The following RBMS2 variants were observed in gnomAD, a reference collection of about 807,000 sequenced individuals.
The protein encoded by RBMS2 is RNA-binding motif, single-stranded-interacting protein 2.
Under a neutral mutation model 58.4 loss-of-function variants are expected in RBMS2, and 38 were observed. The ratio of observed to expected loss-of-function variants is 0.65; its 90% CI spans 0.50 to 0.85. The LOEUF (loss-of-function observed/expected upper bound fraction) is 0.85. RBMS2 is among the 40% of genes least tolerant of loss of function. The pLI is 0.00. For synonymous variants in RBMS2, 151 were observed against 180.7 expected (o/e 0.84, Z 1.32); for missense variants, 367 against 503.7 (o/e 0.73, Z 2.60).
At chr12:56,542,113 C>A (rs1216288338) in intron 1 of RBMS2, among the ~76,000 whole-genome samples, 1 of 152,018 alleles carries the variant, frequency 6.6e-6, no homozygotes, top group East Asian at 1.9e-4. Context: ...GTAGCATGAT[C>A]ACCACTCACT....
At chr12:56,585,444 C>T (rs1485925365) in intron 9 of RBMS2, among the ~76,000 whole-genome samples, 1 of 152,164 alleles carries the variant, frequency 6.6e-6, no homozygotes, top group African/African-American at 2.4e-5. Flanking sequence ...AGGCAAAGCT[C>T]AGAAAATTGT....
chr12:56,582,342 C>G (rs1469985092), intron 9 of RBMS2, among the ~76,000 whole-genome samples, 190 bp downstream of exon 9: 1 of 152,042 alleles, frequency 6.6e-6, no homozygotes, highest in Non-Finnish European at 1.5e-5. Flanking sequence ...TAATGGTGTC[C>G]TCTTACTCCC....
chr12:56,535,047 C>T (rs7313637), intron 1 of RBMS2, among the ~76,000 whole-genome samples: 68,232 of 151,930 alleles, frequency 0.45, 16,193 homozygotes, highest in East Asian at 0.6. Context: ...TTATGGAATG[C>T]CACACTCTCC....
chr12:56,538,697 G>C (rs1266351841), intron 1 of RBMS2, among the ~76,000 whole-genome samples: 2 of 151,794 alleles, frequency 1.3e-5, no homozygotes, highest in East Asian at 2.0e-4. Flanking sequence ...GGCCAGGCTG[G>C]TCTTGAACTC....
rs182502813 is a variant in RBMS2, at chr12:56,565,121, A to G, written c.233+2538A>G. Among the ~76,000 whole-genome samples, 573 of 152,358 alleles carry G rather than the reference A, an allele frequency of 3.8e-3. 5 individuals are homozygous for G. The highest frequency in any genetic ancestry group is 0.013 in the African/African-American group (554 of 41,588). On this transcript the variant is annotated intron_variant, in intron 2 of 13. Coordinates refer to ENST00000262031, the MANE Select transcript of RBMS2 (RefSeq NM_002898.4). ...TCCAGATTACTTATGATACCTCAATACAATACAAATGCCATGTAAATAAAT... is the reference window on the plus strand; with the variant it reads ...TCCAGATTACTTATGATACCTCAATGCAATACAAATGCCATGTAAATAAAT...
chr12:56,574,477 G>A (rs913835984), intron 5 of RBMS2, among the ~76,000 whole-genome samples: 1 of 152,142 alleles, frequency 6.6e-6, no homozygotes, highest in Non-Finnish European at 1.5e-5. Context: ...AAGGATTGTA[G>A]GGGGAACTAA....
chr12:56,565,296 G>T (rs989989497), intron 2 of RBMS2, among the ~76,000 whole-genome samples: 1 of 152,150 alleles, frequency 6.6e-6, no homozygotes, highest in South Asian at 2.1e-4. Context: ...GTAAACTCGG[G>T]ACTTGGGTAT....
At chr12:56,558,555 C>T (rs1220112447) in intron 1 of RBMS2, among the ~76,000 whole-genome samples, 2 of 121,840 alleles carry the variant, frequency 1.6e-5, no homozygotes, top group South Asian at 6.7e-4. Flanking sequence ...CTCCCTCCCT[C>T]CCTTCCTTCC....
At chr12:56,534,146 T>C (rs1350944771) in intron 1 of RBMS2, among the ~76,000 whole-genome samples, 2 of 152,186 alleles carry the variant, frequency 1.3e-5, no homozygotes, top group Admixed American at 6.6e-5. Flanking sequence ...CCTTCAGTTT[T>C]GTGTTTTCAC....
chr12:56,587,649 C>T lies in RBMS2; in HGVS notation c.1047C>T (p.Leu349=). 2 of 1,613,370 alleles carry T rather than the reference C, an allele frequency of 1.2e-6. No homozygotes were observed. Among genetic ancestry groups the T allele is most frequent in the South Asian group, 1.1e-5 (1 of 91,034 alleles). ...PLTQQLGHLS[L]SSTGTYMPTA... is the part of the protein sequence containing the mutation. ...CCCAGCAACTGGGCCATCTCTCCCT[C>T]AGCAGCACAGGCACGGTAAAGCAGG... The change falls in exon 11 of 14, where the codon CTC becomes CTT. Residue 349 remains leucine (L), a synonymous_variant. Transcript: ENST00000262031.
intron 1 of RBMS2, among the ~76,000 whole-genome samples, chr12:56,541,115 AC>A (rs1372701300): frequency 2.0e-5 from 3 of 150,054 alleles, no homozygotes; most frequent in African/African-American, 7.4e-5. Flanking sequence ...AAAAAAAAAA[AC>A]CCCAAAACCG....
intron 4 of RBMS2, among the ~76,000 whole-genome samples, chr12:56,570,621 C>T (rs747836883): frequency 3.9e-5 from 6 of 152,040 alleles, no homozygotes; most frequent in Non-Finnish European, 7.4e-5. Context: ...TCTGTCGCCC[C>T]GGCTGGAGTG....
At chr12:56,548,316 G>A (rs1391066577) in intron 1 of RBMS2, among the ~76,000 whole-genome samples, 1 of 151,978 alleles carries the variant, frequency 6.6e-6, no homozygotes, top group Non-Finnish European at 1.5e-5. Context: ...GCATGGTGGC[G>A]CATGCGTGTA....
At chr12:56,543,508 CA>C (rs1876541065) in intron 1 of RBMS2, among the ~76,000 whole-genome samples, 1 of 149,210 alleles carries the variant, frequency 6.7e-6, no homozygotes, top group Non-Finnish European at 1.5e-5. Context: ...TACTGAGAGT[CA>C]CCTTTTTTTT....
At chr12:56,588,140 A>AC (rs1306755598) in intron 11 of RBMS2, among the ~76,000 whole-genome samples, 154 bp from the exon 12 acceptor site, 1 of 152,224 alleles carries the variant, frequency 6.6e-6, no homozygotes, top group East Asian at 1.9e-4. Context: ...CTTTAGAACC[A>AC]CCTGAAGTGC....
At chr12:56,587,071 G>C (rs1316131505) in intron 10 of RBMS2, 145 bp downstream of exon 10, 1 of 809,580 alleles carries the variant, frequency 1.2e-6, no homozygotes, top group African/African-American at 1.7e-5. Context: ...TTCGAGACCA[G>C]CCTGGCCAAC....
At chr12:56,538,589 T>G in intron 1 of RBMS2, among the ~76,000 whole-genome samples, 1 of 149,962 alleles carries the variant, frequency 6.7e-6, no homozygotes, top group East Asian at 2.0e-4. Flanking sequence ...TACAAGCAAT[T>G]CTCTGCTTCA....
chr12:56,568,745 G>T (rs1394925623), intron 2 of RBMS2, among the ~76,000 whole-genome samples: 1 of 151,974 alleles, frequency 6.6e-6, no homozygotes, highest in African/African-American at 2.4e-5. Context: ...GGCCAGGCTG[G>T]CCTCAAACTC....
chr12:56,536,003 C>G (rs1874726677), intron 1 of RBMS2, among the ~76,000 whole-genome samples: 1 of 151,996 alleles, frequency 6.6e-6, no homozygotes, highest in African/African-American at 2.4e-5. Flanking sequence ...AAGTTTGAGG[C>G]TAGCCTAGCC....
Sources: gnomAD v4.1 joint callset for allele counts (sites outside exome capture counted in the v4.1 genomes callset) on GRCh38, gnomAD v4.1.1 for gene constraint, MANE v1.5 for transcripts, NCBI Gene and HGNC (gene_info 2026-07-23, HGNC 2026-07-21) for gene names.